The following CERK variants were observed in gnomAD, a reference collection of about 807,000 sequenced individuals.
The protein encoded by CERK is acylsphingosine kinase.
In CERK, 39 loss-of-function variants were observed where a neutral mutation model predicts 63.4. That is an observed-to-expected ratio of 0.61 (90% CI 0.48 to 0.80). CERK has a LOEUF of 0.80. Ranked by LOEUF, CERK falls within the 30% of genes least tolerant of loss-of-function variation. CERK has a pLI of 0.00. For synonymous variants in CERK, 302 were observed against 280.0 expected, an observed-to-expected ratio of 1.08 and a Z score of -0.78; for missense variants, 670 against 714.1, an observed-to-expected ratio of 0.94 and a Z score of 0.70.
chr22:46,699,282 C>T (rs748855102), intron 8 of CERK, 31 bp downstream of exon 8: 14 of 1,609,812 alleles, frequency 8.7e-6, no homozygotes, highest in African/African-American at 5.3e-5. Flanking sequence ...GCACGACCAG[C>T]GGGGAGCGAG....
At chr22:46,703,740 C>T (rs574608748) in intron 6 of CERK, among the ~76,000 whole-genome samples, 2 of 152,208 alleles carry the variant, frequency 1.3e-5, no homozygotes, top group South Asian at 4.1e-4. Context: ...GGACCAAACG[C>T]AGAGAGCGAT....
chr22:46,697,469 G>A (rs1440565825), intron 8 of CERK, among the ~76,000 whole-genome samples: 1 of 151,832 alleles, frequency 6.6e-6, no homozygotes, highest in African/African-American at 2.4e-5. Flanking sequence ...AATTTCTGTG[G>A]AGATGGGGTC....
rs909777196 is a variant in CERK, at chr22:46,687,265, A to T, written c.1542-59T>A. 6 of 1,357,978 alleles carry T rather than the reference A, an allele frequency of 4.4e-6. No individual in the cohort carries two copies. The African/African-American group carries it at 1.0e-4, about 23-fold the overall frequency. The allele number at this position is 1,357,978 out of a possible 1,614,324, so 84.1% of individuals were successfully genotyped here. A position where few individuals can be genotyped will look rare whatever the true frequency, so the allele number is the denominator to read the frequency against. ...GTGTCCCTCACTCAAAGCTGGCCTG[A>T]GCCCCACTCCTGGACAGGGGCTGCA... On this transcript the variant is annotated intron_variant, in intron 12 of 12. Transcript: ENST00000216264.
intron 1 of CERK, among the ~76,000 whole-genome samples, chr22:46,725,776 G>A (rs746451305): frequency 9.2e-5 from 14 of 152,330 alleles, no homozygotes; most frequent in African/African-American, 1.9e-4. Context: ...CCTGGTTCTC[G>A]TGCGGCTCAC....
At chr22:46,709,768 T>G (rs2082831312) in intron 5 of CERK, among the ~76,000 whole-genome samples, 1 of 152,232 alleles carries the variant, frequency 6.6e-6, no homozygotes, top group Admixed American at 6.5e-5. Context: ...AGTGAAATTT[T>G]AAGCATAAAG....
rs751738148 is a variant in CERK at position 46,699,458 on chromosome 22, C to T, written c.798G>A (p.Ser266=). The change falls in exon 8 of 13, where the codon TCG becomes TCA. Residue 266 remains serine, a synonymous_variant. Transcript: ENST00000216264. Reference sequence around the variant, plus strand: ...GGACTGAGGACACATCCATGGCCAGCGAGTCCCCTGTGGGAGAGAACGGCC... The same window carrying T: ...GGACTGAGGACACATCCATGGCCAGTGAGTCCCCTGTGGGAGAGAACGGCC... ...TSALHIVVGD[S]LAMDVSSVHH... is the part of the protein sequence containing the mutation. 1.7e-5 allele frequency: 28 copies of T among 1,614,042 alleles called. No homozygotes were observed. Among genetic ancestry groups the T allele is most frequent in the Non-Finnish European group, 2.4e-5 (28 of 1,179,970 alleles).
At chr22:46,691,444 TAAA>T in intron 11 of CERK, 125 bp downstream of exon 11, 2 of 615,186 alleles carry the variant, frequency 3.3e-6, no homozygotes, top group Non-Finnish European at 5.2e-6. Flanking sequence ...TTTGTGAAAT[TAAA>T]AAAAAAAAAG....
intron 6 of CERK, among the ~76,000 whole-genome samples, chr22:46,702,694 AGCCCGATGTTCCCCGTGAACGGG>A (rs2082793368): frequency 1.3e-5 from 2 of 152,258 alleles, no homozygotes; most frequent in Middle Eastern, 3.2e-3. Context: ...TCCCTGCTTC[AGCCCGATGTTCCCCGTGAACGGG>A]GCCGGCTGCG....
rs2082844901 is a variant in CERK, at chr22:46,712,247, T to C, written c.426A>G (p.Gly142=). The change falls in exon 4 of 13, where the codon GGA becomes GGG. Residue 142 remains glycine (G), a synonymous_variant. Coordinates refer to ENST00000216264, the MANE Select transcript of CERK (RefSeq NM_022766.6). ...CATATATCCGCTTGCCTTGTCCTTTTCCTCCAAACGGGTTGATAAATACCA... is the reference window on the plus strand; with the variant it reads ...CATATATCCGCTTGCCTTGTCCTTTCCCTCCAAACGGGTTGATAAATACCA... ...HLLVFINPFG[G]KGQGKRIYER... The C allele has an allele frequency of 1.2e-6, 2 of 1,614,156 alleles. No individual in the cohort carries two copies. Among genetic ancestry groups the C allele is most frequent in the Non-Finnish European group, 1.7e-6 (2 of 1,179,972 alleles).
intron 1 of CERK, among the ~76,000 whole-genome samples, chr22:46,724,860 A>G (rs1003768549): frequency 2.6e-5 from 4 of 152,048 alleles, no homozygotes; most frequent in Non-Finnish European, 1.5e-5. Context: ...TCTACTAAAA[A>G]TACACAAAAA....
intron 1 of CERK, among the ~76,000 whole-genome samples, chr22:46,733,631 G>T (rs1218097518): frequency 6.6e-6 from 1 of 151,736 alleles, no homozygotes; most frequent in Non-Finnish European, 1.5e-5. Context: ...TCTTACAAAA[G>T]AAATTTTAAA....
Position 46,686,957 on chromosome 22 carries a change from T to C in CERK, c.*177A>G. The stretch of plus-strand genomic sequence containing the variant: ...TGCAACCCGCAGATGCGTACAGAAC[T>C]GAAAATGCCAAATATGTACACAAAA... On this transcript the variant is annotated 3_prime_UTR_variant, in exon 13 of 13. Transcript: ENST00000216264. The C allele has an allele frequency of 3.2e-6, 2 of 628,890 alleles. No individual in the cohort carries two copies. The highest frequency in any genetic ancestry group is 2.7e-6 in the Non-Finnish European group (1 of 367,696). The allele number at this position is 628,890 out of a possible 1,614,324, so 39.0% of individuals were successfully genotyped here.
chr22:46,721,311 G>T, intron 1 of CERK, among the ~76,000 whole-genome samples: 1 of 151,008 alleles, frequency 6.6e-6, no homozygotes, highest in African/African-American at 2.5e-5. Context: ...ATATTTTTTT[G>T]AGACAGAGTC....
At chr22:46,736,080 C>T (rs1211152994) in intron 1 of CERK, among the ~76,000 whole-genome samples, 1 of 152,222 alleles carries the variant, frequency 6.6e-6, no homozygotes, top group African/African-American at 2.4e-5. Context: ...CCTCCCTCTC[C>T]AAGAGGGACC....
intron 3 of CERK, among the ~76,000 whole-genome samples, chr22:46,719,661 G>T (rs1190579046): frequency 6.6e-6 from 1 of 152,172 alleles, no homozygotes; most frequent in Non-Finnish European, 1.5e-5. Flanking sequence ...AACCAAGCAA[G>T]ACTCCATCTT....
intron 4 of CERK, among the ~76,000 whole-genome samples, chr22:46,711,358 A>T (rs548972420): frequency 6.6e-6 from 1 of 152,340 alleles, no homozygotes; most frequent in East Asian, 1.9e-4. Context: ...CTCGGGCCAC[A>T]GTCTGCGCGA....
intron 8 of CERK, among the ~76,000 whole-genome samples, chr22:46,698,574 T>C (rs1320482839): frequency 6.6e-6 from 1 of 152,230 alleles, no homozygotes; most frequent in Non-Finnish European, 1.5e-5. Flanking sequence ...CTTTGACTAA[T>C]AAGCTCAGAG....
In CERK at chr22:46,699,590, C is replaced by T. The variant is rs569295045; in HGVS notation, c.791-125G>A. The stretch of plus-strand genomic sequence containing the variant: ...TTTAAAAAGTGTGAAACAAACAGAA[C>T]GCATTCAGTGCAAGGATTCTCTCTC... On this transcript the variant is annotated intron_variant, in intron 7 of 12. Transcript: ENST00000216264. The T allele has an allele frequency of 4.1e-4, 332 of 811,450 alleles. 1 individual carries two copies. The African/African-American group carries it at 4.2e-3, about 10-fold the overall frequency. The allele number at this position is 811,450 out of a possible 1,614,324, so 50.3% of individuals were successfully genotyped here.
At chr22:46,711,649 C>T (rs563930669) in intron 4 of CERK, among the ~76,000 whole-genome samples, 11 of 152,328 alleles carry the variant, frequency 7.2e-5, no homozygotes, top group South Asian at 2.1e-4. Context: ...TGTCCAGAAT[C>T]GTTGCCCTTT....
Sources: allele counts gnomAD v4.1 joint callset (sites outside exome capture counted in the v4.1 genomes callset), GRCh38; gene constraint gnomAD v4.1.1; transcripts MANE v1.5; gene names NCBI Gene and HGNC (gene_info 2026-07-23, HGNC 2026-07-21).